COLEC10: variants seen among roughly 807,000 people sequenced by gnomAD.
COLEC10 encodes collectin subfamily member 10.
In COLEC10, 22 loss-of-function variants were observed where a neutral mutation model predicts 28.4. That is an observed-to-expected ratio of 0.78 (90% CI 0.55 to 1.11). The LOEUF (loss-of-function observed/expected upper bound fraction) is 1.11, where lower values mean the gene tolerates loss of function less well. COLEC10 is among the 50% of genes least tolerant of loss of function. The pLI, the probability that COLEC10 is intolerant of heterozygous loss-of-function variation, is 0.00. For synonymous variants in COLEC10, 125 were observed against 116.1 expected (o/e 1.08, Z -0.49); for missense variants, 361 against 344.1 (o/e 1.05, Z -0.39).
At chr8:118,958,342 GTTC>G in the COLEC10 span, among the ~76,000 whole-genome samples, 1 of 152,198 alleles carries the variant, frequency 6.6e-6, no homozygotes, top group Admixed American at 6.5e-5. Flanking sequence ...TGTGCTTTAG[GTTC>G]TTCTCTCAAA....
chr8:119,078,281 G>A (rs1423696036), intron 1 of COLEC10, among the ~76,000 whole-genome samples: 1 of 152,162 alleles, frequency 6.6e-6, no homozygotes, highest in African/African-American at 2.4e-5. Flanking sequence ...CAGAAGTTGT[G>A]AGATTGTTTG....
the COLEC10 span, among the ~76,000 whole-genome samples, chr8:118,968,805 T>C: frequency 6.6e-6 from 1 of 151,886 alleles, no homozygotes; most frequent in Non-Finnish European, 1.5e-5. Flanking sequence ...CAGTGTGTCA[T>C]GTTCCCCTCC....
the COLEC10 span, among the ~76,000 whole-genome samples, chr8:118,977,833 GTTAA>G: frequency 1.6e-4 from 25 of 151,844 alleles, no homozygotes; most frequent in Non-Finnish European, 2.8e-4. Context: ...CCCTTAGGTT[GTTAA>G]TACTAGCAAG....
chr8:118,988,241 A>T, the COLEC10 span, among the ~76,000 whole-genome samples: 1 of 152,130 alleles, frequency 6.6e-6, no homozygotes, highest in Non-Finnish European at 1.5e-5. Flanking sequence ...ATATTATCAG[A>T]TTCTCATCAT....
At chr8:118,977,608 G>A in the COLEC10 span, among the ~76,000 whole-genome samples, 1 of 117,950 alleles carries the variant, frequency 8.5e-6, no homozygotes, top group Non-Finnish European at 1.7e-5. Context: ...TGTGGGGTGG[G>A]GGGAGGGGGG....
chr8:119,098,115 CT>C (rs1815756458), intron 3 of COLEC10, among the ~76,000 whole-genome samples: 1 of 151,938 alleles, frequency 6.6e-6, no homozygotes, highest in South Asian at 2.1e-4. Context: ...GAGCAGTGAA[CT>C]TCATTTTTTA....
chr8:119,002,770 A>G (rs1461331096), intron 1 of COLEC10, among the ~76,000 whole-genome samples: 2 of 152,170 alleles, frequency 1.3e-5, no homozygotes, highest in Non-Finnish European at 2.9e-5. Flanking sequence ...ACAGGATTGC[A>G]TGGTTCTTGG....
At chr8:119,086,303 T>G (rs1815479984) in intron 1 of COLEC10, among the ~76,000 whole-genome samples, 1 of 152,214 alleles carries the variant, frequency 6.6e-6, no homozygotes, top group Admixed American at 6.5e-5. Flanking sequence ...AAGTGGCTAT[T>G]TCTAAATGAA....
chr8:119,078,907 T>C (rs1030048591), intron 1 of COLEC10, among the ~76,000 whole-genome samples: 2 of 151,932 alleles, frequency 1.3e-5, no homozygotes, highest in Non-Finnish European at 2.9e-5. Context: ...TGAAATGAGT[T>C]TGAGAGAGAA....
At chr8:118,980,917 A>G in the COLEC10 span, among the ~76,000 whole-genome samples, 1 of 151,692 alleles carries the variant, frequency 6.6e-6, no homozygotes, top group South Asian at 2.1e-4. Flanking sequence ...TTTGTTTTTC[A>G]CATCTAGGGC....
chr8:119,061,074 A>G (rs1000744096), intron 2 of COLEC10, among the ~76,000 whole-genome samples: 1 of 152,222 alleles, frequency 6.6e-6, no homozygotes, highest in African/African-American at 2.4e-5. Flanking sequence ...TAGGTGCTCA[A>G]TAAACATTCG....
the COLEC10 span, among the ~76,000 whole-genome samples, chr8:118,985,674 G>T: frequency 2.0e-5 from 3 of 151,956 alleles, no homozygotes; most frequent in African/African-American, 7.2e-5. Context: ...AAATAAAGGG[G>T]TCTAGAAATT....
At chr8:119,089,291 T>C (rs778705757) in intron 1 of COLEC10, among the ~76,000 whole-genome samples, 3 of 152,126 alleles carry the variant, frequency 2.0e-5, no homozygotes, top group Non-Finnish European at 4.4e-5. Context: ...TTCTCAAGCA[T>C]GCAGTCAGAG....
chr8:119,039,253 C>G (rs1343287128), intron 2 of COLEC10, among the ~76,000 whole-genome samples: 1 of 152,130 alleles, frequency 6.6e-6, no homozygotes, highest in Non-Finnish European at 1.5e-5. Flanking sequence ...AGGGTTGATT[C>G]ACTACTTACC....
At chr8:119,037,473 A>G (rs979622292) in intron 2 of COLEC10, among the ~76,000 whole-genome samples, 10 of 152,254 alleles carry the variant, frequency 6.6e-5, no homozygotes, top group African/African-American at 1.9e-4. Flanking sequence ...CACTGATAGT[A>G]TGACACAAAA....
chr8:118,968,843 C>T, the COLEC10 span, among the ~76,000 whole-genome samples: 1 of 151,896 alleles, frequency 6.6e-6, no homozygotes, highest in Non-Finnish European at 1.5e-5. Flanking sequence ...CATTGTTCAA[C>T]TCCCACTTGT....
chr8:118,996,947 A>G (rs1439660777), intron 1 of COLEC10, among the ~76,000 whole-genome samples: 1 of 152,170 alleles, frequency 6.6e-6, no homozygotes, highest in Non-Finnish European at 1.5e-5. Context: ...GAACTCACTC[A>G]TTACCACAGG....
chr8:119,028,842 A>G (rs1316459185), intron 2 of COLEC10, among the ~76,000 whole-genome samples: 4 of 152,240 alleles, frequency 2.6e-5, no homozygotes, highest in Non-Finnish European at 4.4e-5. Flanking sequence ...CACTATGGCT[A>G]GTTAACAGTG....
chr8:119,069,620 AAAAAAAAAAATATATATATATAT>A lies in COLEC10; in HGVS notation c.148+2193_148+2215del, dbSNP rs1195283505. On this transcript the variant is annotated intron_variant, in intron 1 of 5. Coordinates refer to ENST00000332843, the MANE Select transcript of COLEC10 (RefSeq NM_006438.5). ...GACCCCATCTCAAAAAAAAAAAAAA[AAAAAAAAAAATATATATATATAT>A]ATATATATATATATATATGTAAACT... Among the ~76,000 whole-genome samples the A allele has an allele frequency of 9.5e-3, 692 of 72,738 alleles. 27 individuals carry two copies. Among genetic ancestry groups the A allele is most frequent in the African/African-American group, 0.039 (599 of 15,450 alleles). 47.7% of individuals were successfully genotyped at this position (72,738 alleles called of 152,430 possible).
Sources: allele counts gnomAD v4.1 joint callset (sites outside exome capture counted in the v4.1 genomes callset), GRCh38; gene constraint gnomAD v4.1.1; transcripts MANE v1.5; gene names NCBI Gene and HGNC (gene_info 2026-07-23, HGNC 2026-07-21).